Variants in HDAC11 observed in about 807,000 individuals in gnomAD.
HDAC11 encodes histone deacetylase 11.
HDAC11 carries 23 observed loss-of-function variants against 41.1 expected under a neutral mutation model. That is an observed-to-expected ratio of 0.56 (90% CI 0.40 to 0.79). The LOEUF (loss-of-function observed/expected upper bound fraction) is 0.79. HDAC11 is among the 30% of genes least tolerant of loss of function. The pLI, the probability that HDAC11 is intolerant of heterozygous loss-of-function variation, is 0.00. For missense variants in HDAC11, 402 were observed against 477.3 expected, an observed-to-expected ratio of 0.84 and a Z score of 1.47; for synonymous variants, 187 against 186.6, an observed-to-expected ratio of 1.00 and a Z score of -0.02.
rs1355796709 is a variant in HDAC11 at position 13,498,508 on chromosome 3, C to T, written c.370-5C>T. ...CGCCCCCTCACCCTCTGCTTGTCTC[C>T]AAAGGCGGGGAAGCTGGCTGTGGAG... On this transcript the variant is annotated splice_polypyrimidine_tract_variant and splice_region_variant and intron_variant, in intron 4 of 9. Coordinates refer to ENST00000295757, the MANE Select transcript of HDAC11 (RefSeq NM_024827.4). 6.2e-7 allele frequency: 1 copy of T among 1,613,838 alleles called. No individual in the cohort carries two copies. Among genetic ancestry groups the T allele is most frequent in the Non-Finnish European group, 8.5e-7 (1 of 1,180,014 alleles).
In HDAC11 at chr3:13,480,466, G is replaced by A. The variant is rs913885122; in HGVS notation, c.2+117G>A. ...CGCCAGGTAAGGGCCCAGATTTGCT[G>A]GTGAGGGGTGAGGGACGCTCGGGAC... On this transcript the variant is annotated intron_variant, in intron 1 of 9. Transcript: ENST00000295757. This position sits in a 1 kb window ranked among gnomAD's most constrained non-coding sequence, Gnocchi z 4.6. 31 of 513,600 alleles carry A rather than the reference G, an allele frequency of 6.0e-5. No homozygotes were observed. Among genetic ancestry groups the A allele is most frequent in the South Asian group, 9.2e-5 (1 of 10,850 alleles). 31.8% of individuals were successfully genotyped at this position (513,600 alleles called of 1,614,324 possible). A position where few individuals can be genotyped will look rare whatever the true frequency, so the allele number is the denominator to read the frequency against.
At position 13,504,619 on chromosome 3, in the gene HDAC11, C is replaced by T. The variant is rs750784756; in HGVS notation, c.980C>T (p.Pro327Leu). 17 of 1,613,750 alleles carry T rather than the reference C, an allele frequency of 1.1e-5. No individual in the cohort carries two copies. The highest frequency in any genetic ancestry group is 1.0e-4 in the Admixed American group (6 of 60,010). ...CTGTTTGGCCTGGGGCTCATTGGGC[C>T]TGAGTCACCCAGCGTCTCCGCACAG... is the stretch of plus-strand genomic sequence containing the variant. ...LNLFGLGLIG[P>L]ESPSVSAQNS... The change falls in exon 10 of 10, where the codon CCT becomes CTT. Residue 327 changes from proline to leucine, a missense_variant. Physicochemically the swap from Pro to Leu is moderately conservative, Grantham distance 98. Transcript: ENST00000295757.
Position 13,483,468 on chromosome 3 carries a change from G to T in HDAC11, c.156G>T (p.Glu52Asp). Reference sequence around the variant, plus strand: ...ATGCTCCCTCTGTGGTTTCAGAAGAGAAGCTTCTGTCTGACAGCATGCTGG... The same window carrying T: ...ATGCTCCCTCTGTGGTTTCAGAAGATAAGCTTCTGTCTGACAGCATGCTGG... ...WGKVINFLKE[E>D]KLLSDSMLVE... Residue 52 changes from glutamate (E) to aspartate (D), a missense_variant, in exon 3 of 10, where the codon GAG becomes GAT. Glu to Asp is a conservative substitution (Grantham distance 45). Transcript: ENST00000295757. The T allele has an allele frequency of 6.2e-7, 1 of 1,613,764 alleles. No individual in the cohort carries two copies. Among genetic ancestry groups the T allele is most frequent in the South Asian group, 1.1e-5 (1 of 91,068 alleles).
At chr3:13,486,738 C>T (rs1339749092) in intron 3 of HDAC11, among the ~76,000 whole-genome samples, 6 of 151,854 alleles carry the variant, frequency 4.0e-5, no homozygotes, top group South Asian at 2.1e-4. Flanking sequence ...CCACCATGCC[C>T]GGCTAATTTT....
chr3:13,500,506 G>C (rs1436399681), intron 5 of HDAC11, among the ~76,000 whole-genome samples: 1 of 152,152 alleles, frequency 6.6e-6, no homozygotes, highest in Non-Finnish European at 1.5e-5. Context: ...AGGACTTGCT[G>C]GGGACACCCT....
Position 13,480,720 on chromosome 3 carries a change from A to G in HDAC11, c.2+371A>G, listed in dbSNP as rs1422633239. The G allele has an allele frequency of 6.3e-6, 3 of 478,426 alleles. No individual in the cohort carries two copies. Among genetic ancestry groups the G allele is most frequent in the Non-Finnish European group, 1.3e-5 (3 of 234,102 alleles). 29.6% of individuals were successfully genotyped at this position (478,426 alleles called of 1,614,324 possible). ...GTGACGACTGCCAGGGTGTGATGGGAAGGGTTAGCAGCGCAGCGGGGTCAG... is the reference window on the plus strand; with the variant it reads ...GTGACGACTGCCAGGGTGTGATGGGGAGGGTTAGCAGCGCAGCGGGGTCAG... On this transcript the variant is annotated intron_variant, in intron 1 of 9. Transcript: ENST00000295757. This position sits in a 1 kb window ranked among gnomAD's most constrained non-coding sequence, Gnocchi z 4.6.
At chr3:13,499,141 G>A (rs17038236) in intron 5 of HDAC11, among the ~76,000 whole-genome samples, 22,768 of 152,190 alleles carry the variant, frequency 0.15, 2,079 homozygotes, top group African/African-American at 0.26. Flanking sequence ...CACAGCACTT[G>A]ACAATTTACA....
At chr3:13,499,369 A>G (rs1056645648) in intron 5 of HDAC11, among the ~76,000 whole-genome samples, 6 of 152,044 alleles carry the variant, frequency 3.9e-5, no homozygotes, top group Non-Finnish European at 7.4e-5. Flanking sequence ...GGGTTTCTCC[A>G]TGTTGGTCAG....
chr3:13,498,659 A>C, intron 5 of HDAC11, 104 bp downstream of exon 5: 1 of 1,258,090 alleles, frequency 7.9e-7, no homozygotes, highest in Non-Finnish European at 1.1e-6. Context: ...GGCAGCTGTG[A>C]ATTCAGAAGC....
chr3:13,498,302 G>C (rs1005595908), intron 4 of HDAC11, among the ~76,000 whole-genome samples: 2 of 152,192 alleles, frequency 1.3e-5, no homozygotes, highest in African/African-American at 2.4e-5. Context: ...CTTATGCACT[G>C]TACATCTCAT....
intron 3 of HDAC11, among the ~76,000 whole-genome samples, chr3:13,491,062 T>G (rs1023770331): frequency 7.0e-6 from 1 of 142,080 alleles, no homozygotes; most frequent in African/African-American, 2.6e-5. Flanking sequence ...TTCTTAGCTT[T>G]AATAGTTGTG....
At chr3:13,486,158 C>T (rs936750578) in intron 3 of HDAC11, among the ~76,000 whole-genome samples, 1 of 150,468 alleles carries the variant, frequency 6.6e-6, no homozygotes, top group African/African-American at 2.4e-5. Context: ...TCCCAGCTAC[C>T]TGGGAGGCTG....
At position 13,483,576 on chromosome 3, in the gene HDAC11, C is replaced by T. The variant is rs769550921; in HGVS notation, c.252+12C>T. The T allele has an allele frequency of 2.0e-5, 29 of 1,417,678 alleles. No homozygotes were observed. Among genetic ancestry groups the T allele is most frequent in the Non-Finnish European group, 2.1e-5 (22 of 1,027,606 alleles). 87.8% of individuals were successfully genotyped at this position (1,417,678 alleles called of 1,614,324 possible). A position where few individuals can be genotyped will look rare whatever the true frequency, so the allele number is the denominator to read the frequency against. ...TTAATGAGCTCAAGGTACAGGATGT[C>T]GGGCCTGGGGGGCTGCGGGCCTGGG... On this transcript the variant is annotated intron_variant, in intron 3 of 9. Coordinates refer to ENST00000295757, the MANE Select transcript of HDAC11 (RefSeq NM_024827.4).
At chr3:13,493,341 C>T (rs994463846) in intron 3 of HDAC11, among the ~76,000 whole-genome samples, 5 of 152,154 alleles carry the variant, frequency 3.3e-5, no homozygotes, top group South Asian at 2.1e-4. Flanking sequence ...CCCAGGGACC[C>T]GCCACTAGTC....
At chr3:13,482,004 A>G (rs1198806902) in intron 2 of HDAC11, among the ~76,000 whole-genome samples, 3 of 152,188 alleles carry the variant, frequency 2.0e-5, no homozygotes, top group Admixed American at 1.3e-4. Flanking sequence ...ATAAGATTGT[A>G]AAAGCCCACC....
chr3:13,491,068 TTGTGTGTGTGTG>T (rs58333021), intron 3 of HDAC11, among the ~76,000 whole-genome samples: 127 of 140,404 alleles, frequency 9.0e-4, no homozygotes, highest in African/African-American at 1.7e-3. Flanking sequence ...GCTTTAATAG[TTGTGTGTGTGTG>T]TGTGTGTGTG....
intron 3 of HDAC11, among the ~76,000 whole-genome samples, chr3:13,488,723 C>T (rs1019844736): frequency 2.0e-5 from 3 of 152,102 alleles, no homozygotes; most frequent in African/African-American, 4.8e-5. Flanking sequence ...CATGTGCATA[C>T]GAGTATTTAT....
chr3:13,498,505 C>T lies in HDAC11; in HGVS notation c.370-8C>T, dbSNP rs751780203. 5.6e-6 allele frequency: 9 copies of T among 1,613,892 alleles called. No individual in the cohort carries two copies. In the South Asian group the frequency reaches 8.8e-5, roughly 16 times the overall value. On this transcript the variant is annotated splice_polypyrimidine_tract_variant and splice_region_variant and intron_variant, in intron 4 of 9. Transcript: ENST00000295757. ...CTGCGCCCCCTCACCCTCTGCTTGT[C>T]TCCAAAGGCGGGGAAGCTGGCTGTG...
At chr3:13,492,729 A>G (rs1457907501) in intron 3 of HDAC11, among the ~76,000 whole-genome samples, 1 of 151,958 alleles carries the variant, frequency 6.6e-6, no homozygotes, top group Non-Finnish European at 1.5e-5. Context: ...TTTTTAATGG[A>G]CACCAGATTT....
Sources: allele counts gnomAD v4.1 joint callset (sites outside exome capture counted in the v4.1 genomes callset), GRCh38; gene constraint gnomAD v4.1.1; non-coding constraint Gnocchi (gnomAD v3.1); transcripts MANE v1.5; gene names NCBI Gene and HGNC (gene_info 2026-07-23, HGNC 2026-07-21).